KYAT1: variants seen among roughly 807,000 people sequenced by gnomAD.
KYAT1 encodes kynurenine aminotransferase 1.
In KYAT1, 47 loss-of-function variants were observed where a neutral mutation model predicts 52.4. The observed-to-expected ratio is 0.90, with a 90% confidence interval of 0.71 to 1.14. KYAT1 has a LOEUF of 1.14. Ranked by LOEUF, KYAT1 falls within the 50% of genes most tolerant of loss-of-function variation. The pLI is 0.00. For missense variants in KYAT1, 480 were observed against 557.9 expected, an observed-to-expected ratio of 0.86 and a Z score of 1.41; for synonymous variants, 212 against 209.6, an observed-to-expected ratio of 1.01 and a Z score of -0.10.
At chr9:128,869,323 G>A (rs1399572391) in intron 1 of KYAT1, among the ~76,000 whole-genome samples, 4 of 151,380 alleles carry the variant, frequency 2.6e-5, no homozygotes, top group Middle Eastern at 3.5e-3. Flanking sequence ...CACCACGCCC[G>A]GCTAATTTTT....
chr9:128,843,625 G>A (rs10988135), intron 2 of KYAT1, among the ~76,000 whole-genome samples: 143 of 152,042 alleles, frequency 9.4e-4, no homozygotes, highest in Non-Finnish European at 1.3e-3. Flanking sequence ...GTGATCCACC[G>A]CCCCCCTTGG....
intron 1 of KYAT1, among the ~76,000 whole-genome samples, chr9:128,849,182 T>G (rs1001044024): frequency 8.2e-5 from 12 of 146,076 alleles, no homozygotes; most frequent in Non-Finnish European, 1.7e-4. Context: ...GAGGCTGAGG[T>G]GGACGGATCA....
chr9:128,837,858 C>T (rs1260878162), intron 5 of KYAT1, 45 bp from the exon 6 acceptor site: 7 of 1,603,926 alleles, frequency 4.4e-6, no homozygotes, highest in Admixed American at 1.7e-5. Context: ...AACCACCTGA[C>T]ATGCAGGTCT....
At chr9:128,846,138 C>G (rs1406613994) in intron 1 of KYAT1, among the ~76,000 whole-genome samples, 1 of 152,210 alleles carries the variant, frequency 6.6e-6, no homozygotes, top group Non-Finnish European at 1.5e-5. Flanking sequence ...TGTGCAGAAA[C>G]TGGCCAGGGG....
chr9:128,858,420 G>A (rs1299272509), intron 1 of KYAT1, among the ~76,000 whole-genome samples: 13 of 10,230 alleles, frequency 1.3e-3, no homozygotes, highest in South Asian at 3.7e-3. Flanking sequence ...AAAAAAGCCC[G>A]GGCATGGTGG....
At chr9:128,837,659 G>A (rs1399193444) in intron 6 of KYAT1, 26 bp downstream of exon 6, 12 of 1,613,190 alleles carry the variant, frequency 7.4e-6, no homozygotes, top group Non-Finnish European at 1.0e-5. Flanking sequence ...TCCGCAGGGG[G>A]CCAGGGAAGG....
At chr9:128,854,960 A>G (rs201822267) in intron 1 of KYAT1, among the ~76,000 whole-genome samples, 24 of 152,190 alleles carry the variant, frequency 1.6e-4, no homozygotes, top group African/African-American at 5.8e-4. Context: ...AGTGCCACCA[A>G]TAAATTTACT....
chr9:128,864,274 G>C (rs1835870754), intron 1 of KYAT1, among the ~76,000 whole-genome samples: 1 of 148,842 alleles, frequency 6.7e-6, no homozygotes, highest in Non-Finnish European at 1.5e-5. Context: ...GCTGAGGCAG[G>C]AGAATGTTGT....
At position 128,865,099 on chromosome 9, in the gene KYAT1, G is replaced by A. The variant is rs1452381677; in HGVS notation, c.-7+16798C>T. ...AAATTATCTGGGAGTGGTGGTGCAC[G>A]TCTGTAGTCCCAGCTACTCGGGAGG... On this transcript the variant is annotated intron_variant, in intron 1 of 12. Coordinates refer to ENST00000302586, the MANE Select transcript of KYAT1 (RefSeq NM_004059.5). Among the ~76,000 whole-genome samples, 12 of 148,482 alleles carry A rather than the reference G, an allele frequency of 8.1e-5. 1 individual carries two copies. The South Asian group carries it at 2.4e-3, about 30-fold the overall frequency.
At chr9:128,864,319 T>C (rs1036143353) in intron 1 of KYAT1, among the ~76,000 whole-genome samples, 3 of 148,886 alleles carry the variant, frequency 2.0e-5, no homozygotes, top group Admixed American at 6.8e-5. Flanking sequence ...TGAGCCGAGA[T>C]TGCGCCATTG....
chr9:128,833,859 C>T lies in KYAT1; in HGVS notation c.1123-33G>A, dbSNP rs764304667. On this transcript the variant is annotated intron_variant, in intron 11 of 12. Coordinates refer to ENST00000302586, the MANE Select transcript of KYAT1 (RefSeq NM_004059.5). Reference sequence around the variant, plus strand: ...GGAGGAAGGACATGTCTCAACACGGCCTCGTGGCCCAGCAGGCCTTGGCTC... The same window carrying T: ...GGAGGAAGGACATGTCTCAACACGGTCTCGTGGCCCAGCAGGCCTTGGCTC... 10 of 1,585,628 alleles carry T rather than the reference C, an allele frequency of 6.3e-6. No individual in the cohort carries two copies. The South Asian group carries it at 1.1e-4, about 18-fold the overall frequency.
intron 1 of KYAT1, among the ~76,000 whole-genome samples, chr9:128,852,121 T>C (rs189595118): frequency 1.1e-3 from 162 of 152,264 alleles, no homozygotes; most frequent in African/African-American, 3.5e-3. Flanking sequence ...TAAAAAACTA[T>C]TTAAAAAAGG....
At chr9:128,846,821 C>T (rs1180479333) in intron 1 of KYAT1, 2 of 1,535,518 alleles carry the variant, frequency 1.3e-6, no homozygotes, top group African/African-American at 2.7e-5. Flanking sequence ...GGCTGGTGGG[C>T]CGTGGAGCTG....
At chr9:128,875,248 G>GTTTTTTTTTT (rs1201067985) in intron 1 of KYAT1, among the ~76,000 whole-genome samples, 38 of 108,214 alleles carry the variant, frequency 3.5e-4, no homozygotes, top group Non-Finnish European at 4.0e-4. Flanking sequence ...GTTTTTTTTT[G>GTTTTTTTTTT]TTTTTTTTTT....
At chr9:128,870,629 C>T (rs533409754) in intron 1 of KYAT1, among the ~76,000 whole-genome samples, 33 of 151,922 alleles carry the variant, frequency 2.2e-4, no homozygotes, top group Non-Finnish European at 3.5e-4. Flanking sequence ...AGAGCAAGAC[C>T]CTGTCACAAA....
chr9:128,876,527 C>A (rs1308332792), intron 1 of KYAT1, among the ~76,000 whole-genome samples: 1 of 151,242 alleles, frequency 6.6e-6, no homozygotes, highest in Non-Finnish European at 1.5e-5. Flanking sequence ...ACGCCACTCT[C>A]CTGCCTCAGC....
At chr9:128,870,229 C>T (rs1320877359) in intron 1 of KYAT1, among the ~76,000 whole-genome samples, 1 of 152,030 alleles carries the variant, frequency 6.6e-6, no homozygotes, top group African/African-American at 2.4e-5. Flanking sequence ...GAAAAAAACC[C>T]AAATTGTCCA....
intron 3 of KYAT1, 126 bp downstream of exon 3, chr9:128,842,528 T>C: frequency 1.0e-6 from 1 of 965,508 alleles, no homozygotes; most frequent in Non-Finnish European, 1.5e-6. Flanking sequence ...CAGTAAACAC[T>C]GAACTATGGT....
chr9:128,873,432 C>T (rs190681484), intron 1 of KYAT1, among the ~76,000 whole-genome samples: 745 of 149,976 alleles, frequency 5.0e-3, no homozygotes, highest in Non-Finnish European at 8.0e-3. Context: ...AAAATTAAGA[C>T]GTTTTCTTTC....
Sources: gnomAD v4.1 joint callset for allele counts (sites outside exome capture counted in the v4.1 genomes callset) on GRCh38, gnomAD v4.1.1 for gene constraint, MANE v1.5 for transcripts, NCBI Gene and HGNC (gene_info 2026-07-23, HGNC 2026-07-21) for gene names.